The following DNHD1 variants were observed in gnomAD, a reference collection of about 807,000 sequenced individuals.
The protein encoded by DNHD1 is dynein heavy chain domain-containing protein 1.
Under a neutral mutation model 458.1 loss-of-function variants are expected in DNHD1, and 383 were observed. The observed-to-expected ratio is 0.84, with a 90% CI of 0.77 to 0.91. The LOEUF (loss-of-function observed/expected upper bound fraction) is 0.91, where lower values mean the gene tolerates loss of function less well. DNHD1 is among the 40% of genes least tolerant of loss of function. DNHD1 has a pLI of 0.00. For missense variants in DNHD1, 5,336 were observed against 5,866.1 expected (o/e 0.91, Z 2.95); for synonymous variants, 2,203 against 2,376.9 (o/e 0.93, Z 2.13).
Position 6,548,905 on chromosome 11 carries a change from G to T in DNHD1, c.7359G>T (p.Leu2453Phe). 1.9e-6 allele frequency: 3 copies of T among 1,551,694 alleles called. No homozygotes were observed. Among genetic ancestry groups the T allele is most frequent in the Non-Finnish European group, 2.6e-6 (3 of 1,146,996 alleles). ...ATTCTAAACCCTCCCTCCTCTTCTTGCTGGAGGACCTGCACCTAGCCACTT... is the reference window on the plus strand; with the variant it reads ...ATTCTAAACCCTCCCTCCTCTTCTTTCTGGAGGACCTGCACCTAGCCACTT... ...HQDSKPSLLF[L>F]LEDLHLATSD... The change falls in exon 24 of 43, where the codon TTG becomes TTT. Residue 2453 changes from leucine (L) to phenylalanine (F), a missense_variant. Physicochemically the swap from Leu to Phe is conservative, Grantham distance 22. Around this residue, in one of 4 missense-constraint regions of DNHD1, gnomAD observed 3,932 missense variants for 4,365.6 expected, o/e 0.90. Transcript: ENST00000254579. The surrounding 1 kb of genome is among the most constrained non-coding windows in gnomAD (Gnocchi z 4.4).
rs780318749 is a variant in DNHD1, at chr11:6,548,442, A to T, written c.7098+40A>T. 1.3e-6 allele frequency: 2 copies of T among 1,540,806 alleles called. No individual in the cohort carries two copies. Among genetic ancestry groups the T allele is most frequent in the South Asian group, 2.4e-5 (2 of 83,240 alleles). On this transcript the variant is annotated intron_variant, in intron 23 of 42. Transcript: ENST00000254579. The surrounding 1 kb of genome is among the most constrained non-coding windows in gnomAD (Gnocchi z 4.4). The stretch of plus-strand genomic sequence containing the variant: ...AGGCAAGAGCTGGGGTTAGAACTTC[A>T]GGACTTATTTTAGGGGTAATCCATG...
At chr11:6,568,021 T>C (rs1220622974) in intron 36 of DNHD1, 35 bp from the exon 37 acceptor site, 1 of 1,532,904 alleles carries the variant, frequency 6.5e-7, no homozygotes, top group Non-Finnish European at 8.8e-7. Context: ...TAGGATCACT[T>C]TGAGTCATGC....
chr11:6,544,513 TC>T (rs1853164827), intron 19 of DNHD1, 60 bp from the exon 20 acceptor site: 1 of 1,347,344 alleles, frequency 7.4e-7, no homozygotes. Context: ...CAGGGTGGAC[TC>T]CCCTGCAGAA....
In DNHD1 at chr11:6,539,438, A is replaced by G. The variant is rs983101020; in HGVS notation, c.3420+125A>G. Reference sequence around the variant, plus strand: ...GGGTTGAGCCTGCTAACCTGCCTGAAGGGCAGGAACAGTTTCTTTAAGTCT... The same window carrying G: ...GGGTTGAGCCTGCTAACCTGCCTGAGGGGCAGGAACAGTTTCTTTAAGTCT... On this transcript the variant is annotated intron_variant, in intron 17 of 42. Transcript: ENST00000254579. The G allele has an allele frequency of 5.6e-6, 4 of 716,120 alleles. No homozygotes were observed. In the African/African-American group the frequency reaches 7.1e-5, roughly 13 times the overall value. 44.4% of individuals were successfully genotyped at this position (716,120 alleles called of 1,614,324 possible).
At chr11:6,522,238 C>G (rs1852618460) in intron 10 of DNHD1, among the ~76,000 whole-genome samples, 1 of 151,726 alleles carries the variant, frequency 6.6e-6, no homozygotes, top group Non-Finnish European at 1.5e-5. Context: ...TGCTAGATAT[C>G]AGACCTTTGC....
rs368146755 is a variant in DNHD1 at position 6,508,957 on chromosome 11, A to G, written c.998A>G (p.His333Arg). The part of the protein sequence containing the change: ...HYIFSPFGIL[H>R]VHPVEGSETM... ...ATCTTCTCTCCCTTTGGGATCTTGC[A>G]TGTACATCCTGTGGAAGGTAGCGAG... Residue 333 changes from histidine (H) to arginine (R), a missense_variant, in exon 5 of 43, where the codon CAT becomes CGT. His to Arg is a conservative substitution (Grantham distance 29). Around this residue, in one of 4 missense-constraint regions of DNHD1, gnomAD observed 3,932 missense variants for 4,365.6 expected, o/e 0.90. Coordinates refer to ENST00000254579, the MANE Select transcript of DNHD1 (RefSeq NM_144666.3). 1.2e-5 allele frequency: 19 copies of G among 1,614,052 alleles called. No homozygotes were observed. Among genetic ancestry groups the G allele is most frequent in the Middle Eastern group, 3.3e-4 (2 of 6,084 alleles).
Position 6,498,205 on chromosome 11 carries a change from C to T in DNHD1, c.-11C>T. 1.2e-6 allele frequency: 2 copies of T among 1,602,662 alleles called. No individual in the cohort carries two copies. Among genetic ancestry groups the T allele is most frequent in the Non-Finnish European group, 1.7e-6 (2 of 1,172,776 alleles). ...AGGTCACTTCGACAGCAGTTGAATG[C>T]CCAGCTCCTCATGGTCCCGGAGGAG... On this transcript the variant is annotated 5_prime_UTR_variant, in exon 3 of 43. Coordinates refer to ENST00000254579, the MANE Select transcript of DNHD1 (RefSeq NM_144666.3).
rs537372422 is a variant in DNHD1, at chr11:6,556,623, A to T, written c.7388-60A>T. On this transcript the variant is annotated intron_variant, in intron 24 of 42. Coordinates refer to ENST00000254579, the MANE Select transcript of DNHD1 (RefSeq NM_144666.3). ...CGTGTGTGGCAGGAATAGAGGGAACAGGTTGATACTCTCATGTGGACTTTT... is the reference window on the plus strand; with the variant it reads ...CGTGTGTGGCAGGAATAGAGGGAACTGGTTGATACTCTCATGTGGACTTTT... The T allele has an allele frequency of 3.5e-4, 502 of 1,436,940 alleles. 1 individual carries two copies. Among genetic ancestry groups the T allele is most frequent in the Non-Finnish European group, 4.5e-4 (484 of 1,075,788 alleles). 89.0% of individuals were successfully genotyped at this position (1,436,940 alleles called of 1,614,324 possible). A position where few individuals can be genotyped will look rare whatever the true frequency, so the allele number is the denominator to read the frequency against.
At chr11:6,539,454 C>CT in intron 17 of DNHD1, 141 bp downstream of exon 17, 1 of 655,974 alleles carries the variant, frequency 1.5e-6, no homozygotes, top group Non-Finnish European at 2.7e-6. Context: ...GGAACAGTTT[C>CT]TTTAAGTCTC....
In DNHD1 at chr11:6,511,342, C is replaced by T. The variant is rs755405552; in HGVS notation, c.1305C>T (p.Asp435=). The change falls in exon 7 of 43, where the codon GAC becomes GAT. Residue 435 remains aspartate, a synonymous_variant. Transcript: ENST00000254579. ...QELDRCYELL[D]LQTALAEEKH... Reference sequence around the variant, plus strand: ...TGGATCGGTGCTATGAGCTGCTGGACCTGCAGACGGCTCTAGCCGAGGAGA... The same window carrying T: ...TGGATCGGTGCTATGAGCTGCTGGATCTGCAGACGGCTCTAGCCGAGGAGA... 3 of 1,614,230 alleles carry T rather than the reference C, an allele frequency of 1.9e-6. No individual in the cohort carries two copies. In the South Asian group the frequency reaches 3.3e-5, roughly 18 times the overall value.
chr11:6,497,895 G>C lies in DNHD1; in HGVS notation c.-321G>C. ...TAAGAAGGAACTCTTCTGCAAGGAG[G>C]GCTCTCACGTCTGTCTTAGGCCTGC... On this transcript the variant is annotated 5_prime_UTR_variant, in exon 3 of 43. Transcript: ENST00000254579. The C allele has an allele frequency of 3.0e-6, 1 of 337,350 alleles. No individual in the cohort carries two copies. The highest frequency in any genetic ancestry group is 5.5e-6 in the Non-Finnish European group (1 of 181,644). 20.9% of individuals were successfully genotyped at this position (337,350 alleles called of 1,614,324 possible).
chr11:6,555,225 T>C (rs1314288671), intron 24 of DNHD1, among the ~76,000 whole-genome samples: 1 of 5,938 alleles, frequency 1.7e-4, no homozygotes, highest in Non-Finnish European at 7.7e-4. Context: ...TCTCTCTGTC[T>C]CTTTCTCTCT....
At position 6,546,459 on chromosome 11, in the gene DNHD1, G is replaced by C; in HGVS notation, c.5520G>C (p.Leu1840=). 6.4e-7 allele frequency: 1 copy of C among 1,550,974 alleles called. No individual in the cohort carries two copies. The change falls in exon 21 of 43, where the codon CTG becomes CTC. Residue 1840 remains leucine, a synonymous_variant. Transcript: ENST00000254579. ...TGCGGCAAGTGGCAGAGCTGACTCTGCTGGGTGCAGGGATGAGGGATGCCT... is the reference window on the plus strand; with the variant it reads ...TGCGGCAAGTGGCAGAGCTGACTCTCCTGGGTGCAGGGATGAGGGATGCCT... The part of the protein sequence containing the change: ...PDLRQVAELT[L]LGAGMRDAFQ...
Position 6,548,187 on chromosome 11 carries a change from T to C in DNHD1, c.6906-23T>C. ...AAGTGTTGTAACTGTCTGACGCTTTTGCCTGTGTGTCCATCTGAGCAGGTT... is the reference window on the plus strand; with the variant it reads ...AAGTGTTGTAACTGTCTGACGCTTTCGCCTGTGTGTCCATCTGAGCAGGTT... On this transcript the variant is annotated intron_variant, in intron 22 of 42. Transcript: ENST00000254579. This position sits in a 1 kb window ranked among gnomAD's most constrained non-coding sequence, Gnocchi z 4.4. 1 of 1,550,380 alleles carries C rather than the reference T, an allele frequency of 6.5e-7. No homozygotes were observed. The highest frequency in any genetic ancestry group is 1.2e-5 in the South Asian group (1 of 84,024).
In DNHD1 at chr11:6,533,842, C is replaced by T. The variant is rs376512612; in HGVS notation, c.2667C>T (p.Pro889=). Residue 889 remains proline (P), a synonymous_variant, in exon 14 of 43, where the codon CCC becomes CCT. Transcript: ENST00000254579. ...RRQFGESPIP[P]CPPPPQPHLL... The stretch of plus-strand genomic sequence containing the variant: ...AATTCGGGGAGTCACCCATCCCTCC[C>T]TGCCCTCCTCCCCCACAACCACATC... The T allele has an allele frequency of 1.3e-4, 194 of 1,551,420 alleles. No individual in the cohort carries two copies. The African/African-American group carries it at 2.3e-3, about 19-fold the overall frequency.
chr11:6,547,179 C>A lies in DNHD1; in HGVS notation c.6240C>A (p.Ile2080=), dbSNP rs773749667. 1.2e-5 allele frequency: 19 copies of A among 1,551,788 alleles called. No individual in the cohort carries two copies. Among genetic ancestry groups the A allele is most frequent in the Admixed American group, 3.9e-5 (2 of 51,010 alleles). Residue 2080 remains isoleucine (I), a synonymous_variant, in exon 21 of 43, where the codon ATC becomes ATA. Transcript: ENST00000254579. ...QKRQTEESIG[I]QHWIICDGAS... ...GGCAGACAGAGGAATCAATCGGGAT[C>A]CAGCACTGGATAATATGTGATGGAG...
intron 7 of DNHD1, among the ~76,000 whole-genome samples, chr11:6,515,779 A>ATTT (rs61095437): frequency 4.0e-4 from 43 of 108,306 alleles, no homozygotes; most frequent in African/African-American, 8.9e-4. Context: ...CTATAGACAC[A>ATTT]TTTTTTTTTT....
Position 6,568,691 on chromosome 11 carries a change from G to A in DNHD1, c.12688G>A (p.Val4230Ile). The A allele has an allele frequency of 6.2e-7, 1 of 1,613,844 alleles. No individual in the cohort carries two copies. Among genetic ancestry groups the A allele is most frequent in the Non-Finnish European group, 8.5e-7 (1 of 1,179,798 alleles). The change falls in exon 39 of 43, where the codon GTT becomes ATT. Residue 4230 changes from valine to isoleucine, a missense_variant. Val to Ile is a conservative substitution (Grantham distance 29, BLOSUM62 3). Transcript: ENST00000254579. ...PAVLTQHSMP[V>I]FWNQSLELGH... The stretch of plus-strand genomic sequence containing the variant: ...TGTGCTGACTCAGCACTCCATGCCT[G>A]TTTTCTGGAACCAGTCCCTGGAGCT...
rs1441374145 is a variant in DNHD1 at position 6,508,191 on chromosome 11, A to G, written c.921-689A>G. ...TAACTGGCCTACTGTAACTAGATAC[A>G]CCTATTATATCAATCTATATATATT... On this transcript the variant is annotated intron_variant, in intron 4 of 42. Coordinates refer to ENST00000254579, the MANE Select transcript of DNHD1 (RefSeq NM_144666.3). 4 of 152,202 alleles carry G rather than the reference A, an allele frequency of 2.6e-5. No individual in the cohort carries two copies. The East Asian group carries it at 7.7e-4, about 29-fold the overall frequency. The allele number at this position is 152,202 out of a possible 1,614,324, so 9.4% of individuals were successfully genotyped here.
Sources: allele counts gnomAD v4.1 joint callset (sites outside exome capture counted in the v4.1 genomes callset), GRCh38; gene constraint gnomAD v4.1.1; regional missense constraint gnomAD v4.1.1; non-coding constraint Gnocchi (gnomAD v3.1); transcripts MANE v1.5; gene names NCBI Gene and HGNC (gene_info 2026-07-23, HGNC 2026-07-21).